The following EXOC4 variants were observed in gnomAD, a reference collection of about 807,000 sequenced individuals.
The protein encoded by EXOC4 is exocyst complex component 4, also known as SEC8-like 1.
Under a neutral mutation model 107.2 loss-of-function variants are expected in EXOC4, and 71 were observed. That is an observed-to-expected ratio of 0.66 (90% CI 0.55 to 0.81). The LOEUF (loss-of-function observed/expected upper bound fraction) is 0.81, where lower values mean the gene tolerates loss of function less well. Among genes scored for constraint, EXOC4 ranks in the 30% least tolerant of loss-of-function variants. EXOC4 has a pLI of 0.00. For synonymous variants in EXOC4, 456 were observed against 441.2 expected (o/e 1.03, Z -0.42); for missense variants, 1,108 against 1,189.6 (o/e 0.93, Z 1.01).
At chr7:133,897,092 A>T (rs1799335923) in intron 12 of EXOC4, among the ~76,000 whole-genome samples, 1 of 151,244 alleles carries the variant, frequency 6.6e-6, no homozygotes. Flanking sequence ...ATAAAAAAAT[A>T]ACATTCTGAA....
intron 10 of EXOC4, among the ~76,000 whole-genome samples, chr7:133,761,033 T>G (rs1335661023): frequency 1.3e-5 from 2 of 152,184 alleles, no homozygotes; most frequent in Non-Finnish European, 2.9e-5. Context: ...TTATCATGTG[T>G]TCAGCCTATT....
chr7:133,267,215 G>A (rs947297540), intron 1 of EXOC4, among the ~76,000 whole-genome samples: 6 of 152,158 alleles, frequency 3.9e-5, no homozygotes, highest in Non-Finnish European at 5.9e-5. Context: ...CTGGTTGAAA[G>A]GTTATCAGGC....
At chr7:133,722,376 T>G (rs574058300) in intron 10 of EXOC4, among the ~76,000 whole-genome samples, 36 of 152,354 alleles carry the variant, frequency 2.4e-4, no homozygotes, top group African/African-American at 8.4e-4. Flanking sequence ...GAGTACAGTC[T>G]CTTTAAATGG....
chr7:133,818,619 G>A (rs1797431882), intron 11 of EXOC4, among the ~76,000 whole-genome samples: 1 of 152,130 alleles, frequency 6.6e-6, no homozygotes, highest in Non-Finnish European at 1.5e-5. Flanking sequence ...TGCCTGGTGA[G>A]GGATCTGTAC....
At chr7:133,789,615 GACTGTATGTCT>G (rs2151183121) in intron 10 of EXOC4, among the ~76,000 whole-genome samples, 1 of 152,316 alleles carries the variant, frequency 6.6e-6, no homozygotes, top group East Asian at 1.9e-4. Flanking sequence ...CTACTTCGAT[GACTGTATGTCT>G]ACCTCAGTGA....
the EXOC4 span, among the ~76,000 whole-genome samples, chr7:134,075,472 G>C: frequency 1.3e-5 from 2 of 152,186 alleles, no homozygotes; most frequent in Non-Finnish European, 2.9e-5. Flanking sequence ...AAGGCAAAAG[G>C]CTTGTCTTAG....
chr7:133,436,129 C>T (rs1344303178), intron 7 of EXOC4, among the ~76,000 whole-genome samples: 4 of 151,406 alleles, frequency 2.6e-5, no homozygotes, highest in Admixed American at 2.0e-4. Context: ...TTGCATCAGC[C>T]GGCTTGTTTT....
intron 7 of EXOC4, among the ~76,000 whole-genome samples, chr7:133,377,277 C>G (rs192357672): frequency 5.9e-5 from 9 of 152,208 alleles, no homozygotes; most frequent in African/African-American, 2.2e-4. Context: ...TTGCTTGAAC[C>G]TAGGAGGTGG....
At chr7:133,973,055 T>C (rs1037820119) in intron 14 of EXOC4, among the ~76,000 whole-genome samples, 1 of 152,190 alleles carries the variant, frequency 6.6e-6, no homozygotes, top group Non-Finnish European at 1.5e-5. Context: ...GAGAAGATAT[T>C]CATTTATTCA....
chr7:133,739,856 T>C (rs1795527505), intron 10 of EXOC4, among the ~76,000 whole-genome samples: 1 of 152,196 alleles, frequency 6.6e-6, no homozygotes, highest in African/African-American at 2.4e-5. Flanking sequence ...CAGGGCTTTT[T>C]CCAACCTTCT....
intron 14 of EXOC4, among the ~76,000 whole-genome samples, chr7:133,984,602 G>A (rs1269675773): frequency 6.6e-6 from 1 of 152,216 alleles, no homozygotes; most frequent in Non-Finnish European, 1.5e-5. Context: ...GAGTAAGGAA[G>A]AGCTATACAC....
chr7:134,005,027 A>G lies in EXOC4; in HGVS notation c.2464A>G (p.Ser822Gly), dbSNP rs767913030. ...GGTGGTCAAGCTCAACAAAGATATC[A>G]GCGCCATTGAAGAGGCCATGAGCGC... The part of the protein sequence containing the change: ...PLVVKLNKDI[S>G]AIEEAMSASL... Residue 822 changes from serine (S) to glycine (G), a missense_variant, in exon 16 of 18, where the codon AGC becomes GGC. By Grantham distance (56) the Ser-to-Gly change is moderately conservative (BLOSUM62 0). Transcript: ENST00000253861. The G allele has an allele frequency of 4.3e-6, 7 of 1,613,552 alleles. No homozygotes were observed. The African/African-American group carries it at 5.3e-5, about 12-fold the overall frequency.
At chr7:133,921,485 TC>T (rs1799934827) in intron 13 of EXOC4, among the ~76,000 whole-genome samples, 1 of 152,228 alleles carries the variant, frequency 6.6e-6, no homozygotes, top group South Asian at 2.1e-4. Context: ...GTTTTTTTTC[TC>T]TTTTAACAAC....
the EXOC4 span, among the ~76,000 whole-genome samples, chr7:134,093,569 T>C: frequency 6.6e-6 from 1 of 152,164 alleles, no homozygotes; most frequent in Middle Eastern, 3.4e-3. Context: ...ACTTCACCAA[T>C]TGGACCTATT....
chr7:133,964,399 T>C (rs1282953965), intron 14 of EXOC4, among the ~76,000 whole-genome samples: 1 of 152,068 alleles, frequency 6.6e-6, no homozygotes, highest in African/African-American at 2.4e-5. Flanking sequence ...TACCTAGGTA[T>C]ACACGGGCCA....
intron 17 of EXOC4, among the ~76,000 whole-genome samples, chr7:134,025,559 G>A (rs1054247764): frequency 2.6e-5 from 4 of 152,208 alleles, no homozygotes; most frequent in African/African-American, 9.7e-5. Flanking sequence ...TGGGATGGCA[G>A]CTAGGGCTGG....
At chr7:134,020,400 A>G (rs1585327237) in intron 17 of EXOC4, among the ~76,000 whole-genome samples, 2 of 152,270 alleles carry the variant, frequency 1.3e-5, no homozygotes, top group South Asian at 4.2e-4. Flanking sequence ...TCGTCTTTCA[A>G]CCTCATGTTT....
At chr7:133,760,397 C>A (rs1585127068) in intron 10 of EXOC4, among the ~76,000 whole-genome samples, 1 of 152,052 alleles carries the variant, frequency 6.6e-6, no homozygotes, top group East Asian at 1.9e-4. Flanking sequence ...TAATATTTTC[C>A]CCCAACAGAA....
At chr7:133,811,585 G>A (rs562879099) in intron 10 of EXOC4, among the ~76,000 whole-genome samples, 1 of 152,208 alleles carries the variant, frequency 6.6e-6, no homozygotes, top group East Asian at 1.9e-4. Flanking sequence ...ATGTTCCCTA[G>A]TAGCTGTTTG....
Sources: gnomAD v4.1 joint callset for allele counts (sites outside exome capture counted in the v4.1 genomes callset) on GRCh38, gnomAD v4.1.1 for gene constraint, MANE v1.5 for transcripts, NCBI Gene and HGNC (gene_info 2026-07-23, HGNC 2026-07-21) for gene names.